The following GRIP1 variants were observed in gnomAD, a reference collection of about 807,000 sequenced individuals.
The protein encoded by GRIP1 is glutamate receptor-interacting protein 1.
A neutral mutation model predicts 129.9 loss-of-function variants in GRIP1; 45 were observed. That is an observed-to-expected ratio of 0.35 (90% CI 0.27 to 0.44). The LOEUF (loss-of-function observed/expected upper bound fraction) is 0.44. Among genes scored for constraint, GRIP1 ranks in the 20% least tolerant of loss-of-function variants. The pLI is 1.00. For synonymous variants in GRIP1, 530 were observed against 520.8 expected (o/e 1.02, Z -0.24); for missense variants, 1,196 against 1,396.8 (o/e 0.86, Z 2.29).
chr12:66,962,664 T>C (rs1312570350), intron 1 of GRIP1, among the ~76,000 whole-genome samples: 1 of 152,098 alleles, frequency 6.6e-6, no homozygotes, highest in African/African-American at 2.4e-5. Flanking sequence ...CCAGGACTTT[T>C]AAATATTCGA....
intron 1 of GRIP1, among the ~76,000 whole-genome samples, chr12:66,996,157 A>G (rs897055808): frequency 1.3e-5 from 2 of 151,966 alleles, no homozygotes; most frequent in Admixed American, 6.6e-5. Flanking sequence ...GGGGAGGGGA[A>G]AATAAGGAGT....
At chr12:66,768,267 A>G (rs1171749384) in intron 1 of GRIP1, among the ~76,000 whole-genome samples, 30 of 152,202 alleles carry the variant, frequency 2.0e-4, no homozygotes, top group Admixed American at 2.0e-3. Context: ...GATGAACTTC[A>G]CTGAAATTAA....
intron 23 of GRIP1, among the ~76,000 whole-genome samples, chr12:66,356,451 C>T (rs972702091): frequency 1.3e-5 from 2 of 152,206 alleles, no homozygotes; most frequent in South Asian, 4.1e-4. Context: ...AATATTTAGG[C>T]TGTTCCACAA....
intron 1 of GRIP1, among the ~76,000 whole-genome samples, chr12:66,757,553 TA>T (rs1164790964): frequency 1.3e-5 from 2 of 152,334 alleles, no homozygotes; most frequent in Non-Finnish European, 1.5e-5. Flanking sequence ...TCAACACATA[TA>T]GGAGTATTGC....
intron 1 of GRIP1, among the ~76,000 whole-genome samples, chr12:67,056,693 C>T (rs769597622): frequency 3.9e-5 from 6 of 152,208 alleles, no homozygotes; most frequent in Admixed American, 6.5e-5. Flanking sequence ...ACCAGCCCAT[C>T]ATCATCTGTT....
intron 1 of GRIP1, among the ~76,000 whole-genome samples, chr12:67,027,748 C>T (rs981277806): frequency 6.6e-6 from 1 of 152,126 alleles, no homozygotes; most frequent in Non-Finnish European, 1.5e-5. Flanking sequence ...GCCAGTGGTG[C>T]ACATAAGGTC....
chr12:66,638,056 T>G (rs1486158879), intron 1 of GRIP1, among the ~76,000 whole-genome samples: 1 of 152,210 alleles, frequency 6.6e-6, no homozygotes, highest in Non-Finnish European at 1.5e-5. Flanking sequence ...GAGGGCCATT[T>G]AGATATATGC....
chr12:66,451,293 T>C (rs2138186303), intron 11 of GRIP1, among the ~76,000 whole-genome samples: 1 of 150,920 alleles, frequency 6.6e-6, no homozygotes, highest in Middle Eastern at 3.4e-3. Flanking sequence ...GCTTATTTAA[T>C]TTAGAAGGCT....
chr12:66,795,064 A>G (rs1039194605), intron 1 of GRIP1, among the ~76,000 whole-genome samples: 1 of 152,350 alleles, frequency 6.6e-6, no homozygotes, highest in African/African-American at 2.4e-5. Flanking sequence ...GGTGAAATGT[A>G]CTGAGCAAAG....
intron 1 of GRIP1, among the ~76,000 whole-genome samples, chr12:66,910,968 C>T (rs1191252753): frequency 6.6e-6 from 1 of 152,204 alleles, no homozygotes; most frequent in Admixed American, 6.5e-5. Flanking sequence ...ATTTCAACTG[C>T]AGCCGTTCAT....
At chr12:66,614,367 T>G (rs1300409752) in intron 1 of GRIP1, among the ~76,000 whole-genome samples, 1 of 151,802 alleles carries the variant, frequency 6.6e-6, no homozygotes, top group African/African-American at 2.4e-5. Context: ...CCAACAGCCC[T>G]CCCCCACACC....
intron 1 of GRIP1, among the ~76,000 whole-genome samples, chr12:66,621,362 T>C (rs1002734204): frequency 6.6e-6 from 1 of 152,208 alleles, no homozygotes; most frequent in Non-Finnish European, 1.5e-5. Flanking sequence ...ACATAATGTG[T>C]GTCCTTTTGT....
chr12:66,420,773 T>A lies in GRIP1; in HGVS notation c.1785A>T (p.Lys595Asn). ...GITISSPSSR[K>N]PGDPLVISDI... The stretch of plus-strand genomic sequence containing the variant: ...CTGAAATGACGAGGGGGTCTCCTGG[T>A]TTTCTACTGGATGGTGCTGTAATAA... Residue 595 changes from lysine to asparagine, a missense_variant, in exon 15 of 25, where the codon AAA becomes AAT. Physicochemically the swap from Lys to Asn is moderately conservative, Grantham distance 94. Around this residue, in one of 5 missense-constraint regions of GRIP1, gnomAD observed 508 missense variants for 587.0 expected, o/e 0.87. Transcript: ENST00000359742. The A allele has an allele frequency of 6.3e-7, 1 of 1,576,190 alleles. No individual in the cohort carries two copies. Among genetic ancestry groups the A allele is most frequent in the Admixed American group, 1.7e-5 (1 of 59,952 alleles).
At chr12:66,698,762 T>G (rs922535314) in intron 1 of GRIP1, among the ~76,000 whole-genome samples, 2 of 152,146 alleles carry the variant, frequency 1.3e-5, no homozygotes, top group African/African-American at 4.8e-5. Context: ...GGAAGCCCAG[T>G]AGGTGGAAGC....
Position 66,596,891 on chromosome 12 carries a change from T to C in GRIP1, c.92A>G (p.Lys31Arg), listed in dbSNP as rs200713915. Residue 31 changes from lysine to arginine, a missense_variant, in exon 2 of 25, where the codon AAG becomes AGG. Physicochemically the swap from Lys to Arg is conservative, Grantham distance 26 (BLOSUM62 2). Around this residue, in one of 5 missense-constraint regions of GRIP1, gnomAD observed 217 missense variants for 224.8 expected, o/e 0.97. Transcript: ENST00000359742. ...CACAGCCAACGCTCCATCAGGCGGC[T>C]TTGTCTGGCTGGCGGATTTAGTGTA... ...SPYTKSASQT[K>R]PPDGALAVRR... 2.0e-4 allele frequency: 329 copies of C among 1,613,622 alleles called. No individual in the cohort carries two copies. The highest frequency in any genetic ancestry group is 2.6e-4 in the Non-Finnish European group (312 of 1,179,642).
intron 22 of GRIP1, among the ~76,000 whole-genome samples, chr12:66,373,064 T>C (rs1483367526): frequency 6.6e-6 from 1 of 152,122 alleles, no homozygotes; most frequent in African/African-American, 2.4e-5. Context: ...GTAGGCACTG[T>C]TACTTCTCTC....
intron 1 of GRIP1, among the ~76,000 whole-genome samples, chr12:66,924,889 G>A (rs1184785434): frequency 6.6e-6 from 1 of 152,200 alleles, no homozygotes; most frequent in Non-Finnish European, 1.5e-5. Context: ...AGAATGGTGT[G>A]AACCCGGGAG....
intron 1 of GRIP1, among the ~76,000 whole-genome samples, chr12:67,049,729 T>TAA (rs749293794): frequency 3.2e-5 from 4 of 124,562 alleles, no homozygotes; most frequent in East Asian, 4.5e-4. Context: ...AAAGTACAAT[T>TAA]AAAAAAAAAA....
chr12:67,053,531 T>C (rs1401856463), intron 1 of GRIP1, among the ~76,000 whole-genome samples: 4 of 152,186 alleles, frequency 2.6e-5, no homozygotes, highest in Non-Finnish European at 5.9e-5. Context: ...ACTGTTTTTC[T>C]GCTTTAAAAC....
Sources: allele counts gnomAD v4.1 joint callset (sites outside exome capture counted in the v4.1 genomes callset), GRCh38; gene constraint gnomAD v4.1.1; regional missense constraint gnomAD v4.1.1; transcripts MANE v1.5; gene names NCBI Gene and HGNC (gene_info 2026-07-23, HGNC 2026-07-21).